ZFAT: variants seen among roughly 807,000 people sequenced by gnomAD.
ZFAT encodes the protein zinc finger protein ZFAT.
Under a neutral mutation model 117.7 loss-of-function variants are expected in ZFAT, and 64 were observed. The ratio of observed to expected loss-of-function variants is 0.54; its 90% CI spans 0.44 to 0.67. ZFAT has a LOEUF of 0.67. Ranked by LOEUF, ZFAT falls within the 30% of genes least tolerant of loss-of-function variation. The probability of loss-of-function intolerance (pLI) is 0.00; values close to 1 mark genes in which losing one functional copy is unlikely to be tolerated. For missense variants in ZFAT, 1,433 were observed against 1,584.5 expected (o/e 0.90, Z 1.62); for synonymous variants, 679 against 615.0 (o/e 1.10, Z -1.54).
chr8:134,587,805 C>A (rs377689435), intron 9 of ZFAT, among the ~76,000 whole-genome samples: 11 of 152,204 alleles, frequency 7.2e-5, no homozygotes, highest in African/African-American at 2.4e-4. Flanking sequence ...TTCTCCATAG[C>A]CTGAATGGTA....
the ZFAT span, among the ~76,000 whole-genome samples, chr8:134,798,827 T>C: frequency 1.3e-5 from 2 of 152,268 alleles, no homozygotes; most frequent in Middle Eastern, 3.4e-3. Context: ...ATTTTTCACA[T>C]CTAGCATATG....
At chr8:134,499,269 G>A (rs1301585025) in intron 15 of ZFAT, among the ~76,000 whole-genome samples, 7 of 118,458 alleles carry the variant, frequency 5.9e-5, no homozygotes, top group Admixed American at 8.3e-5. Flanking sequence ...TAGGGTCGGG[G>A]TGGAGCTGGG....
At chr8:134,479,599 C>T (rs1586544721) in intron 15 of ZFAT, among the ~76,000 whole-genome samples, 1 of 152,140 alleles carries the variant, frequency 6.6e-6, no homozygotes, top group East Asian at 1.9e-4. Flanking sequence ...AAAACAGGCA[C>T]AAGAGGAAAG....
intron 5 of ZFAT, among the ~76,000 whole-genome samples, chr8:134,607,407 C>T (rs1489859197): frequency 6.6e-6 from 1 of 152,226 alleles, no homozygotes; most frequent in Non-Finnish European, 1.5e-5. Flanking sequence ...GTGCCAGGCA[C>T]TTTGCATATT....
intron 7 of ZFAT, among the ~76,000 whole-genome samples, chr8:134,593,145 T>G (rs1826656191): frequency 6.6e-6 from 1 of 152,182 alleles, no homozygotes; most frequent in Non-Finnish European, 1.5e-5. Context: ...TGCCTCTCGG[T>G]GCCCGCATCA....
At chr8:134,761,040 A>G in the ZFAT span, among the ~76,000 whole-genome samples, 1 of 152,238 alleles carries the variant, frequency 6.6e-6, no homozygotes, top group South Asian at 2.1e-4. Context: ...TTTATCTTAG[A>G]GGAGACAAAC....
At chr8:134,634,835 G>A (rs958888572) in intron 3 of ZFAT, among the ~76,000 whole-genome samples, 1 of 152,176 alleles carries the variant, frequency 6.6e-6, no homozygotes, top group African/African-American at 2.4e-5. Context: ...CTGTTTTAGA[G>A]CAGCAGTCCC....
At chr8:134,556,547 A>T (rs1359966375) in intron 11 of ZFAT, among the ~76,000 whole-genome samples, 1 of 152,160 alleles carries the variant, frequency 6.6e-6, no homozygotes, top group East Asian at 1.9e-4. Context: ...TGAAAACCAA[A>T]AAAAAAGAGG....
chr8:134,738,683 G>C, the ZFAT span, among the ~76,000 whole-genome samples: 1 of 152,010 alleles, frequency 6.6e-6, no homozygotes, highest in Non-Finnish European at 1.5e-5. Flanking sequence ...TAGGGGTGCA[G>C]AGAGGGGAGG....
chr8:134,812,256 T>C, the ZFAT span, among the ~76,000 whole-genome samples: 2 of 152,238 alleles, frequency 1.3e-5, no homozygotes, highest in Non-Finnish European at 2.9e-5. Flanking sequence ...GGCAGGCACA[T>C]AGCTAGTATG....
chr8:134,549,807 C>T (rs575312574), intron 11 of ZFAT, among the ~76,000 whole-genome samples: 25 of 152,274 alleles, frequency 1.6e-4, no homozygotes, highest in African/African-American at 5.5e-4. Context: ...TGGTGCACTC[C>T]ACCTGACCCA....
At chr8:134,688,295 T>C (rs564668365) in intron 1 of ZFAT, among the ~76,000 whole-genome samples, 4 of 152,266 alleles carry the variant, frequency 2.6e-5, no homozygotes, top group Admixed American at 2.0e-4. Flanking sequence ...CAAATACACA[T>C]ACACACACAT....
At chr8:134,823,908 T>C in the ZFAT span, among the ~76,000 whole-genome samples, 2 of 152,248 alleles carry the variant, frequency 1.3e-5, no homozygotes, top group African/African-American at 2.4e-5. Context: ...TGTCGGACAC[T>C]GTCACTAAAA....
At chr8:134,572,543 T>TA (rs1362890922) in intron 10 of ZFAT, among the ~76,000 whole-genome samples, 1 of 152,216 alleles carries the variant, frequency 6.6e-6, no homozygotes, top group African/African-American at 2.4e-5. Context: ...CGCACTGACT[T>TA]ACGGGTGCTC....
intron 7 of ZFAT, among the ~76,000 whole-genome samples, chr8:134,591,740 C>T (rs1267927999): frequency 2.0e-5 from 3 of 152,138 alleles, no homozygotes; most frequent in Admixed American, 2.0e-4. Context: ...CAGATGGAGG[C>T]AGAGACCAGA....
intron 2 of ZFAT, among the ~76,000 whole-genome samples, chr8:134,638,650 A>C (rs1207029298): frequency 6.6e-6 from 1 of 151,516 alleles, no homozygotes; most frequent in African/African-American, 2.4e-5. Flanking sequence ...AATGGCGTGA[A>C]CTGGGAGGCA....
the ZFAT span, among the ~76,000 whole-genome samples, chr8:134,823,184 C>A: frequency 6.6e-6 from 1 of 152,114 alleles, no homozygotes; most frequent in Non-Finnish European, 1.5e-5. Context: ...ACGGGAACAG[C>A]CTACATTTCA....
At chr8:134,525,091 G>A (rs894682710) in intron 12 of ZFAT, among the ~76,000 whole-genome samples, 1 of 152,156 alleles carries the variant, frequency 6.6e-6, no homozygotes, top group African/African-American at 2.4e-5. Context: ...ATTGTCCACT[G>A]TGACTTCTCT....
At chr8:134,805,940 G>A in the ZFAT span, among the ~76,000 whole-genome samples, 1 of 152,054 alleles carries the variant, frequency 6.6e-6, no homozygotes, top group Non-Finnish European at 1.5e-5. Flanking sequence ...TCATGCCACT[G>A]CACTGCAGCC....
Sources: allele counts gnomAD v4.1 joint callset (sites outside exome capture counted in the v4.1 genomes callset), GRCh38; gene constraint gnomAD v4.1.1; transcripts MANE v1.5; gene names NCBI Gene and HGNC (gene_info 2026-07-23, HGNC 2026-07-21).